TGFBR3: variants seen among roughly 807,000 people sequenced by gnomAD.
The protein encoded by TGFBR3 is transforming growth factor beta receptor type 3.
A neutral mutation model predicts 87.9 loss-of-function variants in TGFBR3; 46 were observed. The observed-to-expected ratio is 0.52, with a 90% CI of 0.41 to 0.67. The LOEUF (loss-of-function observed/expected upper bound fraction) is 0.67. Among genes scored for constraint, TGFBR3 ranks in the 30% least tolerant of loss-of-function variants. The pLI, the probability that TGFBR3 is intolerant of heterozygous loss-of-function variation, is 0.00. For synonymous variants in TGFBR3, 381 were observed against 391.6 expected (o/e 0.97, Z 0.32); for missense variants, 866 against 1,041.9 (o/e 0.83, Z 2.32).
intron 2 of TGFBR3, among the ~76,000 whole-genome samples, chr1:91,814,701 A>G (rs1349576387): frequency 6.6e-6 from 1 of 152,224 alleles, no homozygotes; most frequent in African/African-American, 2.4e-5. Flanking sequence ...GACCAAAATG[A>G]GTCATAATAA....
chr1:91,885,992 G>T lies in TGFBR3; in HGVS notation c.-228C>A. On this transcript the variant is annotated 5_prime_UTR_variant, in exon 1 of 17. Transcript: ENST00000212355. ...GAGCTCCGGCAGCTGCTGCGCCGCG[G>T]CAAAACTACGCCATCCGGACCCGCT... The T allele has an allele frequency of 2.2e-6, 1 of 452,690 alleles. No individual in the cohort carries two copies. Among genetic ancestry groups the T allele is most frequent in the Non-Finnish European group, 4.4e-6 (1 of 225,966 alleles). 28.0% of individuals were successfully genotyped at this position (452,690 alleles called of 1,614,324 possible). A position where few individuals can be genotyped will look rare whatever the true frequency, so the allele number is the denominator to read the frequency against.
intron 2 of TGFBR3, among the ~76,000 whole-genome samples, chr1:91,855,909 C>CT (rs796985609): frequency 0.011 from 1,596 of 146,036 alleles, 31 homozygotes; most frequent in African/African-American, 0.038. Context: ...TATTCTCTCT[C>CT]TTTTTTTTTT....
chr1:91,696,699 A>C lies in TGFBR3; in HGVS notation c.2330-920T>G, dbSNP rs990898518. Reference sequence around the variant, plus strand: ...AATTTCTAAGGTCTCTGGGTTTTGAATATAAGTGGGAAATACAGGATCTCC... The same window carrying C: ...AATTTCTAAGGTCTCTGGGTTTTGACTATAAGTGGGAAATACAGGATCTCC... On this transcript the variant is annotated intron_variant, in intron 15 of 16. Coordinates refer to ENST00000212355, the MANE Select transcript of TGFBR3 (RefSeq NM_003243.5). 7.2e-5 allele frequency among the ~76,000 whole-genome samples: 11 copies of C among 152,368 alleles called. No homozygotes were observed. In the East Asian group the frequency reaches 2.1e-3, roughly 29 times the overall value.
intron 2 of TGFBR3, among the ~76,000 whole-genome samples, chr1:91,843,185 G>C (rs569369905): frequency 6.6e-6 from 1 of 152,262 alleles, no homozygotes; most frequent in South Asian, 2.1e-4. Context: ...CCTAAAATTT[G>C]TATGTTAAAA....
At chr1:91,792,093 G>C (rs6678564) in intron 3 of TGFBR3, among the ~76,000 whole-genome samples, 25,831 of 152,196 alleles carry the variant, frequency 0.17, 3,192 homozygotes, top group African/African-American at 0.34. Context: ...AGCCACATGT[G>C]TGATTAACCA....
chr1:91,712,937 T>C (rs949968276), intron 12 of TGFBR3, among the ~76,000 whole-genome samples: 5 of 152,246 alleles, frequency 3.3e-5, no homozygotes, highest in African/African-American at 1.2e-4. Context: ...ACAACACTTA[T>C]AAGCTAAGCT....
intron 2 of TGFBR3, among the ~76,000 whole-genome samples, chr1:91,853,180 A>G (rs1309498475): frequency 6.6e-6 from 1 of 151,454 alleles, no homozygotes; most frequent in African/African-American, 2.4e-5. Flanking sequence ...TAAAATAAAA[A>G]TAAGATAAAA....
intron 2 of TGFBR3, among the ~76,000 whole-genome samples, chr1:91,896,468 C>T (rs721052): frequency 0.88 from 134,253 of 152,130 alleles, 60,518 homozygotes; most frequent in Non-Finnish European, 0.99. Flanking sequence ...CTGAGGGAAC[C>T]GGGACCAATT....
chr1:91,732,387 T>C (rs1672806602), intron 5 of TGFBR3, among the ~76,000 whole-genome samples: 2 of 152,146 alleles, frequency 1.3e-5, no homozygotes, highest in Admixed American at 6.5e-5. Flanking sequence ...CCAGAGTTCC[T>C]GATTCAGTTG....
intron 3 of TGFBR3, among the ~76,000 whole-genome samples, chr1:91,775,373 G>T (rs1167931925): frequency 6.6e-6 from 1 of 152,152 alleles, no homozygotes. Flanking sequence ...AGCCATACTG[G>T]CCCCTCTCTC....
intron 16 of TGFBR3, among the ~76,000 whole-genome samples, chr1:91,685,482 C>A (rs1266024013): frequency 1.3e-5 from 2 of 152,080 alleles, no homozygotes; most frequent in Non-Finnish European, 2.9e-5. Flanking sequence ...GCCACCATGC[C>A]TGGCTAATTT....
intron 2 of TGFBR3, among the ~76,000 whole-genome samples, chr1:91,841,390 G>A (rs1038210048): frequency 6.6e-6 from 1 of 152,330 alleles, no homozygotes; most frequent in East Asian, 1.9e-4. Context: ...ATGTTTTACT[G>A]CAAGTGTGTG....
intron 2 of TGFBR3, among the ~76,000 whole-genome samples, chr1:91,818,683 T>A (rs537825629): frequency 3.9e-4 from 60 of 152,340 alleles, no homozygotes; most frequent in African/African-American, 1.4e-3. Flanking sequence ...CTTTTGTGTG[T>A]GTGTCTTGGA....
At chr1:91,737,786 A>C (rs767178202) in intron 4 of TGFBR3, among the ~76,000 whole-genome samples, 18 of 152,152 alleles carry the variant, frequency 1.2e-4, no homozygotes, top group Non-Finnish European at 2.4e-4. Flanking sequence ...GAGCGTCAAC[A>C]GGATAGTCTC....
At chr1:91,881,787 C>T (rs1027806297) in intron 1 of TGFBR3, among the ~76,000 whole-genome samples, 2 of 152,148 alleles carry the variant, frequency 1.3e-5, no homozygotes, top group African/African-American at 4.8e-5. Flanking sequence ...CGCCTATAAT[C>T]CCAGCACTTT....
rs368144492 is a variant in TGFBR3, at chr1:91,884,319, CA to C, written c.-114+1558del. ...TGGGGACAGAGCGAGACTCTGTCAC[CA>C]AAAAAAAAAAAAAATTTCCATGTTA... On this transcript the variant is annotated intron_variant, in intron 1 of 16. Transcript: ENST00000212355. 4.8e-3 allele frequency among the ~76,000 whole-genome samples: 573 copies of C among 118,924 alleles called. 1 individual carries two copies. The highest frequency in any genetic ancestry group is 0.022 in the Middle Eastern group (5 of 228). 78.0% of individuals were successfully genotyped at this position (118,924 alleles called of 152,430 possible).
chr1:91,852,629 C>T (rs1422797582), intron 2 of TGFBR3, among the ~76,000 whole-genome samples: 1 of 152,068 alleles, frequency 6.6e-6, no homozygotes, highest in Non-Finnish European at 1.5e-5. Flanking sequence ...TGCAGTGGCG[C>T]CATCTCGGCT....
chr1:91,899,242 G>A (rs149082941), intron 2 of TGFBR3, among the ~76,000 whole-genome samples: 105 of 152,156 alleles, frequency 6.9e-4, no homozygotes, highest in Middle Eastern at 3.4e-3. Flanking sequence ...ATGTCAGCTG[G>A]GTGCCATGGT....
intron 2 of TGFBR3, among the ~76,000 whole-genome samples, chr1:91,821,949 T>C (rs1360539153): frequency 6.6e-6 from 1 of 152,224 alleles, no homozygotes; most frequent in Non-Finnish European, 1.5e-5. Context: ...AGGGAGGGCC[T>C]ATCATTTGAT....
Sources: allele counts gnomAD v4.1 joint callset (sites outside exome capture counted in the v4.1 genomes callset), GRCh38; gene constraint gnomAD v4.1.1; transcripts MANE v1.5; gene names NCBI Gene and HGNC (gene_info 2026-07-23, HGNC 2026-07-21).